ATG13: variants seen among roughly 807,000 people sequenced by gnomAD.
The protein encoded by ATG13 is autophagy-related protein 13.
Under a neutral mutation model 65.5 loss-of-function variants are expected in ATG13, and 23 were observed. The ratio of observed to expected loss-of-function variants is 0.35; its 90% CI spans 0.25 to 0.50. The LOEUF (loss-of-function observed/expected upper bound fraction) is 0.50, where lower values mean the gene tolerates loss of function less well. Ranked by LOEUF, ATG13 falls within the 20% of genes least tolerant of loss-of-function variation. The pLI, the probability that ATG13 is intolerant of heterozygous loss-of-function variation, is 0.98. For synonymous variants in ATG13, 252 were observed against 245.2 expected, an observed-to-expected ratio of 1.03 and a Z score of -0.26; for missense variants, 566 against 677.0, an observed-to-expected ratio of 0.84 and a Z score of 1.82.
rs754960669 is a variant in ATG13 at position 46,667,862 on chromosome 11, C to G, written c.1226C>G (p.Ala409Gly). 6.2e-7 allele frequency: 1 copy of G among 1,612,590 alleles called. No individual in the cohort carries two copies. The highest frequency in any genetic ancestry group is 1.3e-5 in the African/African-American group (1 of 75,022). The change falls in exon 15 of 19, where the codon GCT becomes GGT. Residue 409 changes from alanine (A) to glycine (G), a missense_variant. Around this residue, in one of 2 missense-constraint regions of ATG13, gnomAD observed 387 missense variants for 409.8 expected, o/e 0.94. Transcript: ENST00000683050. ...ACCATCTTTGTCCGAAAAGTGGGGG[C>G]TTTTGTCAACAAACCCATTAACCAG... The part of the protein sequence containing the change: ...LETIFVRKVG[A>G]FVNKPINQVT...
chr11:46,622,220 C>A (rs2047962231), intron 1 of ATG13, among the ~76,000 whole-genome samples: 1 of 149,970 alleles, frequency 6.7e-6, no homozygotes, highest in Non-Finnish European at 1.5e-5. Context: ...CAGGTTCAAG[C>A]GATTCTCCCG....
At chr11:46,668,142 A>C (rs2062791969) in intron 15 of ATG13, among the ~76,000 whole-genome samples, 1 of 152,260 alleles carries the variant, frequency 6.6e-6, no homozygotes, top group Admixed American at 6.5e-5. Context: ...GATACCATTT[A>C]GTACAAAAAC....
intron 7 of ATG13, among the ~76,000 whole-genome samples, chr11:46,655,819 C>T (rs1374287854): frequency 6.6e-6 from 1 of 152,154 alleles, no homozygotes; most frequent in Admixed American, 6.5e-5. Context: ...CTCACTGCAG[C>T]GTCAACTTCC....
At chr11:46,669,563 A>G in intron 18 of ATG13, 31 bp downstream of exon 18, 1 of 1,610,440 alleles carries the variant, frequency 6.2e-7, no homozygotes. Flanking sequence ...ACCACAGTGC[A>G]TCCTTATTTG....
In ATG13 at chr11:46,638,991, TA is replaced by T. The variant is rs1448856286; in HGVS notation, c.-13-5287del. On this transcript the variant is annotated intron_variant, in intron 2 of 18. Transcript: ENST00000683050. ...CTCGGCTGATTTTTATTTATTTATT[TA>T]TTTATTTTTTTTTGAGAAGGAGTCT... Among the ~76,000 whole-genome samples the T allele has an allele frequency of 1.1e-3, 165 of 150,606 alleles. 1 individual carries two copies. Among genetic ancestry groups the T allele is most frequent in the African/African-American group, 3.9e-3 (159 of 40,394 alleles).
chr11:46,648,890 T>G, intron 5 of ATG13: 1 of 322,428 alleles, frequency 3.1e-6, no homozygotes, highest in South Asian at 8.4e-5. Context: ...GGAACCATTT[T>G]AAATGATTTA....
chr11:46,668,489 G>A lies in ATG13; in HGVS notation c.1252-10G>A, dbSNP rs963113823. 2 of 1,613,506 alleles carry A rather than the reference G, an allele frequency of 1.2e-6. No individual in the cohort carries two copies. Among genetic ancestry groups the A allele is most frequent in the Admixed American group, 1.7e-5 (1 of 59,994 alleles). On this transcript the variant is annotated splice_polypyrimidine_tract_variant and intron_variant, in intron 15 of 18. Transcript: ENST00000683050. ...GCAGGCATGAATGCTTTTCTCCTGT[G>A]TCTCTTCAGGTGACCCTGACGAGTT...
At chr11:46,656,859 C>A in intron 8 of ATG13, 1 of 487,614 alleles carries the variant, frequency 2.1e-6, no homozygotes, top group South Asian at 3.8e-5. Context: ...GTTTCCCTTG[C>A]CAATATTGGC....
chr11:46,666,104 G>A (rs1278914917), intron 14 of ATG13, among the ~76,000 whole-genome samples: 3 of 152,234 alleles, frequency 2.0e-5, no homozygotes, highest in South Asian at 4.1e-4. Flanking sequence ...ACCACGCACA[G>A]CCTCAAAAAT....
intron 14 of ATG13, 27 bp from the exon 15 acceptor site, chr11:46,667,746 A>T (rs762725418): frequency 6.5e-7 from 1 of 1,546,768 alleles, no homozygotes; most frequent in Non-Finnish European, 8.9e-7. Flanking sequence ...TTTGAGAACG[A>T]GTACTAACTT....
At chr11:46,645,152 T>A (rs1257822015) in intron 3 of ATG13, among the ~76,000 whole-genome samples, 187 bp from the exon 4 acceptor site, 1 of 152,224 alleles carries the variant, frequency 6.6e-6, no homozygotes, top group Non-Finnish European at 1.5e-5. Flanking sequence ...TTTATAAAGT[T>A]ATTTTTTGTA....
intron 1 of ATG13, 47 bp from the exon 2 acceptor site, chr11:46,629,998 G>A (rs911644415): frequency 6.6e-6 from 1 of 152,138 alleles, no homozygotes; most frequent in Non-Finnish European, 1.5e-5. Flanking sequence ...CTGTTGCCCA[G>A]GCTGTTGTGC....
Position 46,668,509 on chromosome 11 carries a change from C to A in ATG13, c.1262C>A (p.Thr421Lys), listed in dbSNP as rs756330086. The A allele has an allele frequency of 6.2e-7, 1 of 1,614,166 alleles. No individual in the cohort carries two copies. Among genetic ancestry groups the A allele is most frequent in the Non-Finnish European group, 8.5e-7 (1 of 1,179,988 alleles). The change falls in exon 16 of 19, where the codon ACG (threonine) becomes AAG (lysine). Residue 421 changes from threonine (T) to lysine (K), a missense_variant. By Grantham distance (78) the Thr-to-Lys change is moderately conservative. Around this residue, in one of 2 missense-constraint regions of ATG13, gnomAD observed 387 missense variants for 409.8 expected, o/e 0.94. Coordinates refer to ENST00000683050, the MANE Select transcript of ATG13 (RefSeq NM_001346311.2). ...VNKPINQVTL[T>K]SLDIPFAMFA... ...CCTGTGTCTCTTCAGGTGACCCTGA[C>A]GAGTTTGGATATACCCTTTGCCATG...
intron 11 of ATG13, among the ~76,000 whole-genome samples, chr11:46,663,633 T>A (rs2061641116): frequency 1.3e-5 from 2 of 152,208 alleles, no homozygotes; most frequent in South Asian, 4.1e-4. Context: ...CAGTCAGACC[T>A]TTCTGTTGGA....
At chr11:46,660,575 A>G (rs1468280447) in intron 11 of ATG13, among the ~76,000 whole-genome samples, 2 of 151,140 alleles carry the variant, frequency 1.3e-5, no homozygotes, top group Admixed American at 1.3e-4. Context: ...CGCCTGGCTA[A>G]TTTTTTGTAT....
intron 2 of ATG13, among the ~76,000 whole-genome samples, chr11:46,639,781 G>A (rs973850159): frequency 1.1e-4 from 16 of 151,782 alleles, no homozygotes; most frequent in African/African-American, 3.6e-4. Flanking sequence ...CACTGGTTTG[G>A]TTTCTCTGTG....
intron 18 of ATG13, among the ~76,000 whole-genome samples, chr11:46,670,345 G>C (rs540244451): frequency 5.9e-5 from 9 of 151,990 alleles, no homozygotes; most frequent in African/African-American, 2.2e-4. Context: ...GCCAGGCATG[G>C]TGGCGGGCAC....
chr11:46,623,396 C>G lies in ATG13; in HGVS notation c.-70+5506C>G, dbSNP rs148999540. Among the ~76,000 whole-genome samples, 665 of 152,144 alleles carry G rather than the reference C, an allele frequency of 4.4e-3. 4 individuals are homozygous for G. Among genetic ancestry groups the G allele is most frequent in the South Asian group, 0.021 (100 of 4,814 alleles). The stretch of plus-strand genomic sequence containing the variant: ...AAGTTTTTCTCCACTCTATTATGGA[C>G]CATATGATGGCAACTAGTTTTGTTT... On this transcript the variant is annotated intron_variant, in intron 1 of 18. Coordinates refer to ENST00000683050, the MANE Select transcript of ATG13 (RefSeq NM_001346311.2).
chr11:46,645,877 T>C lies in ATG13; in HGVS notation c.158T>C (p.Leu53Ser). Residue 53 changes from leucine to serine, a missense_variant, in exon 5 of 19, where the codon TTA (leucine) becomes TCA (serine). Around this residue, in one of 2 missense-constraint regions of ATG13, gnomAD observed 179 missense variants for 267.2 expected, o/e 0.67. Coordinates refer to ENST00000683050, the MANE Select transcript of ATG13 (RefSeq NM_001346311.2). ...GTCCCTTTTGTTTTCCAGTTCAACTTAGCAATCAAAGACATCCCAGAGGTT... is the reference window on the plus strand; with the variant it reads ...GTCCCTTTTGTTTTCCAGTTCAACTCAGCAATCAAAGACATCCCAGAGGTT... ...SSPTGSDWFN[L>S]AIKDIPEVTH... The C allele has an allele frequency of 6.2e-7, 1 of 1,614,010 alleles. No homozygotes were observed. The highest frequency in any genetic ancestry group is 8.5e-7 in the Non-Finnish European group (1 of 1,179,952).
Sources: allele counts gnomAD v4.1 joint callset (sites outside exome capture counted in the v4.1 genomes callset), GRCh38; gene constraint gnomAD v4.1.1; regional missense constraint gnomAD v4.1.1; transcripts MANE v1.5; gene names NCBI Gene and HGNC (gene_info 2026-07-23, HGNC 2026-07-21).